The following PNPLA7 variants were observed in gnomAD, a reference collection of about 807,000 sequenced individuals.
PNPLA7 encodes the protein patatin like domain 7, lysophospholipase, also known as patatin-like phospholipase domain-containing protein 7.
In PNPLA7, 153 loss-of-function variants were observed where a neutral mutation model predicts 161.7. The observed-to-expected ratio is 0.95, with a 90% CI of 0.83 to 1.08. PNPLA7 has a LOEUF of 1.08. Among genes scored for constraint, PNPLA7 ranks in the 50% least tolerant of loss-of-function variants. PNPLA7 has a pLI of 0.00. For missense variants in PNPLA7, 1,739 were observed against 1,856.6 expected (o/e 0.94, Z 1.16); for synonymous variants, 809 against 782.1 (o/e 1.03, Z -0.57).
At position 137,515,453 on chromosome 9, in the gene PNPLA7, G is replaced by C. The variant is rs1240422840; in HGVS notation, c.1151C>G (p.Pro384Arg). 1 of 1,595,992 alleles carries C rather than the reference G, an allele frequency of 6.3e-7. No individual in the cohort carries two copies. Among genetic ancestry groups the C allele is most frequent in the Non-Finnish European group, 8.5e-7 (1 of 1,172,626 alleles). The stretch of plus-strand genomic sequence containing the variant: ...CTCCAAGATCTGTTTGCGAATGGAA[G>C]GCGCGGGGACGGAGTGGCTCCTCTT... ...LLKRSHSVPA[P>R]SIRKQILEEL... Residue 384 changes from proline to arginine, a missense_variant, in exon 12 of 35, where the codon CCT becomes CGT. Physicochemically the swap from Pro to Arg is moderately radical, Grantham distance 103. Around this residue, in one of 6 missense-constraint regions of PNPLA7, gnomAD observed 481 missense variants for 450.0 expected, o/e 1.07. Transcript: ENST00000406427.
chr9:137,497,053 G>A (rs1230792205), intron 18 of PNPLA7, 134 bp downstream of exon 18: 2 of 1,175,614 alleles, frequency 1.7e-6, no homozygotes, highest in Non-Finnish European at 2.2e-6. Context: ...AGCGGCTGCG[G>A]GGCATCACTA....
intron 21 of PNPLA7, among the ~76,000 whole-genome samples, chr9:137,483,971 T>C (rs1210849171): frequency 1.3e-5 from 2 of 152,098 alleles, no homozygotes; most frequent in Non-Finnish European, 1.5e-5. Context: ...TCTTGCTCTG[T>C]CGCCCAGGCT....
chr9:137,491,958 G>A lies in PNPLA7; in HGVS notation c.2197+1055C>T, dbSNP rs562601077. 19 of 985,432 alleles carry A rather than the reference G, an allele frequency of 1.9e-5. No homozygotes were observed. In the East Asian group the frequency reaches 1.0e-3, roughly 53 times the overall value. 61.0% of individuals were successfully genotyped at this position (985,432 alleles called of 1,614,324 possible). The stretch of plus-strand genomic sequence containing the variant: ...GCTGAGACGGAGATGCAGGACACGC[G>A]GGAGCAGCCAGGCTCTTCTGAGGGC... On this transcript the variant is annotated intron_variant, in intron 20 of 34. Coordinates refer to ENST00000406427, the MANE Select transcript of PNPLA7 (RefSeq NM_001098537.3).
chr9:137,477,537 C>CCTCCTGCATTCAAGCAATT (rs1329542636), intron 25 of PNPLA7, among the ~76,000 whole-genome samples: 1 of 152,060 alleles, frequency 6.6e-6, no homozygotes, highest in African/African-American at 2.4e-5. Context: ...ACAACCTCTG[C>CCTCCTGCATTCAAGCAATT]CTCCTGCATT....
chr9:137,491,442 CCTT>C (rs1832757654), intron 20 of PNPLA7: 1 of 977,012 alleles, frequency 1.0e-6, no homozygotes, highest in Non-Finnish European at 1.2e-6. Flanking sequence ...CAACCGGACA[CCTT>C]CTACAAGAAA....
rs370084661 is a variant in PNPLA7, at chr9:137,480,303, C to T, written c.2580+9G>A. 2.7e-5 allele frequency: 43 copies of T among 1,610,310 alleles called. No individual in the cohort carries two copies. The highest frequency in any genetic ancestry group is 3.3e-5 in the Non-Finnish European group (39 of 1,179,444). On this transcript the variant is annotated intron_variant, in intron 23 of 34. Coordinates refer to ENST00000406427, the MANE Select transcript of PNPLA7 (RefSeq NM_001098537.3). ...TCTCCCCAGCTCCACCGGCCCTCCC[C>T]GTGCTCACCTCGCCCACTGTGGGCT...
Position 137,485,497 on chromosome 9 carries a change from C to T in PNPLA7, c.2198-761G>A, listed in dbSNP as rs1170264134. On this transcript the variant is annotated intron_variant, in intron 20 of 34. Transcript: ENST00000406427. Reference sequence around the variant, plus strand: ...ACACACTCTCCAGGTGAGGCCTCATCGGAGTAAACAAGACATACTCTCCAG... The same window carrying T: ...ACACACTCTCCAGGTGAGGCCTCATTGGAGTAAACAAGACATACTCTCCAG... 3.9e-5 allele frequency among the ~76,000 whole-genome samples: 6 copies of T among 152,324 alleles called. No individual in the cohort carries two copies. The East Asian group carries it at 5.8e-4, about 15-fold the overall frequency.
chr9:137,506,009 G>A lies in PNPLA7; in HGVS notation c.1300C>T (p.His434Tyr), dbSNP rs925682259. 10 of 1,612,328 alleles carry A rather than the reference G, an allele frequency of 6.2e-6. No individual in the cohort carries two copies. The African/African-American group carries it at 1.3e-4, about 22-fold the overall frequency. The change falls in exon 13 of 35, where the codon CAC becomes TAC. Residue 434 changes from histidine (H) to tyrosine (Y), a missense_variant. Coordinates refer to ENST00000406427, the MANE Select transcript of PNPLA7 (RefSeq NM_001098537.3). Reference sequence around the variant, plus strand: ...TTGCTGGCCACGGAGCTCCCGGGGTGCTCGTCCGAGTGCAGGAAGACCCTG... The same window carrying A: ...TTGCTGGCCACGGAGCTCCCGGGGTACTCGTCCGAGTGCAGGAAGACCCTG... ...RARVFLHSDE[H>Y]PGSSVASKSR...
chr9:137,547,172 T>C lies in PNPLA7; in HGVS notation c.193+137A>G. The C allele has an allele frequency of 1.1e-6, 1 of 923,290 alleles. No individual in the cohort carries two copies. The highest frequency in any genetic ancestry group is 2.4e-5 in the East Asian group (1 of 41,560). The allele number at this position is 923,290 out of a possible 1,614,324, so 57.2% of individuals were successfully genotyped here. ...CTTCCTGGAACCGACGGGCTCAGCC[T>C]GAGCCCAGACGGGCCATCAGATTCT... is the stretch of plus-strand genomic sequence containing the variant. On this transcript the variant is annotated intron_variant, in intron 3 of 34. Transcript: ENST00000406427. This position sits in a 1 kb window ranked among gnomAD's most constrained non-coding sequence, Gnocchi z 4.6.
Position 137,462,952 on chromosome 9 carries a change from C to T in PNPLA7, c.3344-119G>A, listed in dbSNP as rs1031654653. ...TTGTGGGGTCTCCTCTCCGCCATTACACCTTCTAGAGGCAGAAGACCCACA... is the reference window on the plus strand; with the variant it reads ...TTGTGGGGTCTCCTCTCCGCCATTATACCTTCTAGAGGCAGAAGACCCACA... On this transcript the variant is annotated intron_variant, in intron 29 of 34. Transcript: ENST00000406427. 2.2e-6 allele frequency: 3 copies of T among 1,373,754 alleles called. No homozygotes were observed. The East Asian group carries it at 7.2e-5, about 33-fold the overall frequency. The allele number at this position is 1,373,754 out of a possible 1,614,324, so 85.1% of individuals were successfully genotyped here. A position where few individuals can be genotyped will look rare whatever the true frequency, so the allele number is the denominator to read the frequency against.
In PNPLA7 at chr9:137,543,905, T is replaced by C. The variant is rs1366382280; in HGVS notation, c.274-90A>G. Reference sequence around the variant, plus strand: ...TGGGGATCAGTCCTCAGGACCTGCCTGTGGGCCTCCCACAGTCCCAGCTTC... The same window carrying C: ...TGGGGATCAGTCCTCAGGACCTGCCCGTGGGCCTCCCACAGTCCCAGCTTC... On this transcript the variant is annotated intron_variant, in intron 4 of 34. Coordinates refer to ENST00000406427, the MANE Select transcript of PNPLA7 (RefSeq NM_001098537.3). The surrounding 1 kb of genome is among the most constrained non-coding windows in gnomAD (Gnocchi z 6.9). The C allele has an allele frequency of 1.8e-6, 2 of 1,092,222 alleles. No homozygotes were observed. Among genetic ancestry groups the C allele is most frequent in the East Asian group, 2.4e-5 (1 of 41,588 alleles). The allele number at this position is 1,092,222 out of a possible 1,614,324, so 67.7% of individuals were successfully genotyped here. A position where few individuals can be genotyped will look rare whatever the true frequency, so the allele number is the denominator to read the frequency against.
rs1433687094 is a variant in PNPLA7 at position 137,468,717 on chromosome 9, C to T, written c.2883-1244G>A. Among the ~76,000 whole-genome samples, 1 of 152,052 alleles carries T rather than the reference C, an allele frequency of 6.6e-6. No homozygotes were observed. The highest frequency in any genetic ancestry group is 1.9e-4 in the East Asian group (1 of 5,204). On this transcript the variant is annotated intron_variant, in intron 25 of 34. Transcript: ENST00000406427. The surrounding 1 kb of genome is among the most constrained non-coding windows in gnomAD (Gnocchi z 4.0). ...CTGACGTCACACCACTGCACTCCAG[C>T]CTGGACTGGAGTGAGACCCTGTCTA... is the stretch of plus-strand genomic sequence containing the variant.
rs574526275 is a variant in PNPLA7, at chr9:137,500,937, C to T, written c.1552-41G>A. 16 of 1,521,494 alleles carry T rather than the reference C, an allele frequency of 1.1e-5. No homozygotes were observed. Among genetic ancestry groups the T allele is most frequent in the Middle Eastern group, 1.7e-4 (1 of 5,894 alleles). The allele number at this position is 1,521,494 out of a possible 1,614,324, so 94.2% of individuals were successfully genotyped here. ...GCTCAGGAGGCGCCGCGAGTGGCCG[C>T]GGGCAGGACGGGGGCAGCTCTGGGC... On this transcript the variant is annotated intron_variant, in intron 15 of 34. Transcript: ENST00000406427. This position sits in a 1 kb window ranked among gnomAD's most constrained non-coding sequence, Gnocchi z 5.5.
In PNPLA7 at chr9:137,490,721, C is replaced by T. The variant is rs181704163; in HGVS notation, c.2197+2292G>A. Reference sequence around the variant, plus strand: ...GAGCCCAGAAGGAAACCTGAGATGCCGCAAATGAAAGAAGAGCAGGAGGAC... The same window carrying T: ...GAGCCCAGAAGGAAACCTGAGATGCTGCAAATGAAAGAAGAGCAGGAGGAC... On this transcript the variant is annotated intron_variant, in intron 20 of 34. Transcript: ENST00000406427. The surrounding 1 kb of genome is among the most constrained non-coding windows in gnomAD (Gnocchi z 4.1). Among the ~76,000 whole-genome samples the T allele has an allele frequency of 2.0e-5, 3 of 152,218 alleles. No individual in the cohort carries two copies. The highest frequency in any genetic ancestry group is 2.1e-4 in the South Asian group (1 of 4,826).
chr9:137,520,182 G>A lies in PNPLA7; in HGVS notation c.958-139C>T. 7.9e-7 allele frequency: 1 copy of A among 1,272,250 alleles called. No individual in the cohort carries two copies. Among genetic ancestry groups the A allele is most frequent in the South Asian group, 1.4e-5 (1 of 70,888 alleles). 78.8% of individuals were successfully genotyped at this position (1,272,250 alleles called of 1,614,324 possible). On this transcript the variant is annotated intron_variant, in intron 10 of 34. Transcript: ENST00000406427. The surrounding 1 kb of genome is among the most constrained non-coding windows in gnomAD (Gnocchi z 5.2). ...TGGGCCCCTCAAAGGTGTGACAGGT[G>A]TGGGACTCTCAAAGGTGTGACAGGT... is the stretch of plus-strand genomic sequence containing the variant.
chr9:137,482,593 C>A (rs1832273564), intron 21 of PNPLA7, among the ~76,000 whole-genome samples: 1 of 152,250 alleles, frequency 6.6e-6, no homozygotes, highest in African/African-American at 2.4e-5. Context: ...GACAACATGG[C>A]AGCCACCTGC....
At chr9:137,498,994 C>CA (rs1340306179) in intron 16 of PNPLA7, among the ~76,000 whole-genome samples, 2 of 152,066 alleles carry the variant, frequency 1.3e-5, no homozygotes, top group African/African-American at 4.8e-5. Flanking sequence ...GATGGCAAGA[C>CA]AGTGGCTGGG....
At chr9:137,548,208 G>A (rs910383384) in intron 1 of PNPLA7, among the ~76,000 whole-genome samples, 1 of 152,218 alleles carries the variant, frequency 6.6e-6, no homozygotes. Flanking sequence ...GTGAGTGAAC[G>A]ACAGCAGAGG....
In PNPLA7 at chr9:137,461,838, G is replaced by A. The variant is rs143310136; in HGVS notation, c.3756+93C>T. 8,734 of 1,362,054 alleles carry A rather than the reference G, an allele frequency of 6.4e-3. 50 individuals are homozygous for A. Among genetic ancestry groups the A allele is most frequent in the Middle Eastern group, 0.012 (45 of 3,822 alleles). The allele number at this position is 1,362,054 out of a possible 1,614,324, so 84.4% of individuals were successfully genotyped here. On this transcript the variant is annotated intron_variant, in intron 32 of 34. Coordinates refer to ENST00000406427, the MANE Select transcript of PNPLA7 (RefSeq NM_001098537.3). ...GGGGGCAGGGCCTGTGGCCTGAGGA[G>A]CTGGGCGTGGCCTGATGAACTGGGC...
Sources: allele counts gnomAD v4.1 joint callset (sites outside exome capture counted in the v4.1 genomes callset), GRCh38; gene constraint gnomAD v4.1.1; regional missense constraint gnomAD v4.1.1; non-coding constraint Gnocchi (gnomAD v3.1); transcripts MANE v1.5; gene names NCBI Gene and HGNC (gene_info 2026-07-23, HGNC 2026-07-21).